Variants in KDM4C observed in about 807,000 individuals in gnomAD.
KDM4C encodes the protein lysine demethylase 4C, also known as lysine-specific demethylase 4C.
Under a neutral mutation model 129.3 loss-of-function variants are expected in KDM4C, and 81 were observed. The ratio of observed to expected loss-of-function variants is 0.63; its 90% CI spans 0.52 to 0.75. KDM4C has a LOEUF of 0.75. Ranked by LOEUF, KDM4C falls within the 30% of genes least tolerant of loss-of-function variation. KDM4C has a pLI of 0.00. For synonymous variants in KDM4C, 573 were observed against 456.1 expected (o/e 1.26, Z -3.26); for missense variants, 1,457 against 1,304.0 (o/e 1.12, Z -1.81).
At chr9:6,994,688 A>G (rs1819377377) in intron 12 of KDM4C, among the ~76,000 whole-genome samples, 1 of 152,190 alleles carries the variant, frequency 6.6e-6, no homozygotes, top group African/African-American at 2.4e-5. Flanking sequence ...AAGTACCTCA[A>G]CGTGTTACAT....
chr9:6,940,034 T>TTCCTTCC lies in KDM4C; in HGVS notation c.922-40890_922-40889insCCTTCCT, dbSNP rs1563850249. On this transcript the variant is annotated intron_variant, in intron 8 of 21. Coordinates refer to ENST00000381309, the MANE Select transcript of KDM4C (RefSeq NM_015061.6). The stretch of plus-strand genomic sequence containing the variant: ...CCTTCCTTCCTTCCTTCCTTCCTTC[T>TTCCTTCC]TTCCTTCCTTCCCTCCTTCCCTCCT... Among the ~76,000 whole-genome samples the TTCCTTCC allele has an allele frequency of 3.1e-3, 217 of 70,948 alleles. 5 individuals carry two copies. The highest frequency in any genetic ancestry group is 8.0e-3 in the African/African-American group (128 of 16,004). The allele number at this position is 70,948 out of a possible 152,430, so 46.5% of individuals were successfully genotyped here. A position where few individuals can be genotyped will look rare whatever the true frequency, so the allele number is the denominator to read the frequency against.
intron 1 of KDM4C, among the ~76,000 whole-genome samples, chr9:6,759,023 C>T (rs1035319690): frequency 6.6e-6 from 1 of 152,146 alleles, no homozygotes; most frequent in African/African-American, 2.4e-5. Context: ...CAAGCCTGCG[C>T]TGGCTGGCTC....
At chr9:6,989,874 A>G (rs1483848170) in intron 11 of KDM4C, among the ~76,000 whole-genome samples, 1 of 151,948 alleles carries the variant, frequency 6.6e-6, no homozygotes, top group Non-Finnish European at 1.5e-5. Context: ...TCCTGGGCTC[A>G]AGGGATCCTC....
intron 4 of KDM4C, among the ~76,000 whole-genome samples, chr9:6,829,219 T>G (rs1834389675): frequency 6.6e-6 from 1 of 152,182 alleles, no homozygotes; most frequent in Non-Finnish European, 1.5e-5. Context: ...AGGTGAAGAT[T>G]ACTGGGCACT....
At chr9:6,844,590 C>A (rs1272343589) in intron 4 of KDM4C, among the ~76,000 whole-genome samples, 1 of 152,186 alleles carries the variant, frequency 6.6e-6, no homozygotes, top group Non-Finnish European at 1.5e-5. Flanking sequence ...CACAGGTTTC[C>A]TTATGAGTGC....
intron 2 of KDM4C, among the ~76,000 whole-genome samples, chr9:6,794,294 G>A (rs1243820042): frequency 6.6e-6 from 1 of 152,198 alleles, no homozygotes; most frequent in Non-Finnish European, 1.5e-5. Context: ...AGATCCAAAG[G>A]ATAAAAATAA....
intron 17 of KDM4C, among the ~76,000 whole-genome samples, chr9:7,074,965 G>A (rs545095581): frequency 1.3e-5 from 2 of 152,254 alleles, no homozygotes; most frequent in Admixed American, 6.5e-5. Context: ...CATACCCAGC[G>A]AATGGATGAT....
chr9:6,999,030 C>T (rs1483035162), intron 12 of KDM4C, among the ~76,000 whole-genome samples: 1 of 152,150 alleles, frequency 6.6e-6, no homozygotes, highest in Non-Finnish European at 1.5e-5. Context: ...TTTTACTACA[C>T]AAGCTGGCTC....
intron 1 of KDM4C, among the ~76,000 whole-genome samples, chr9:6,751,202 T>C (rs1818053875): frequency 6.6e-6 from 1 of 152,060 alleles, no homozygotes; most frequent in South Asian, 2.1e-4. Flanking sequence ...TCCCAGCACT[T>C]TGGGAGGCTG....
chr9:6,879,615 G>A (rs1274719370), intron 5 of KDM4C, among the ~76,000 whole-genome samples: 19 of 152,172 alleles, frequency 1.2e-4, no homozygotes, highest in Non-Finnish European at 1.5e-5. Context: ...AAAAACAAAA[G>A]CCAAAATCAA....
At position 6,879,999 on chromosome 9, in the gene KDM4C, T is replaced by A; in HGVS notation, c.630-13T>A. The stretch of plus-strand genomic sequence containing the variant: ...TATAAACCTAAAATTTTTACTTATG[T>A]TTAAAATTTTAGGTATGCTATACCT... On this transcript the variant is annotated splice_polypyrimidine_tract_variant and intron_variant, in intron 5 of 21. Coordinates refer to ENST00000381309, the MANE Select transcript of KDM4C (RefSeq NM_015061.6). The A allele has an allele frequency of 1.3e-6, 2 of 1,499,094 alleles. No individual in the cohort carries two copies. The highest frequency in any genetic ancestry group is 2.8e-5 in the African/African-American group (2 of 71,442). 92.9% of individuals were successfully genotyped at this position (1,499,094 alleles called of 1,614,324 possible).
At chr9:7,030,863 G>A (rs918521569) in intron 15 of KDM4C, among the ~76,000 whole-genome samples, 2 of 151,970 alleles carry the variant, frequency 1.3e-5, no homozygotes, top group Admixed American at 6.6e-5. Context: ...ATTTTGTAAT[G>A]AAAAATGTAA....
At chr9:7,138,549 T>A (rs1841438191) in intron 19 of KDM4C, among the ~76,000 whole-genome samples, 1 of 152,174 alleles carries the variant, frequency 6.6e-6, no homozygotes, top group African/African-American at 2.4e-5. Flanking sequence ...GCACGGTGGC[T>A]CACACCTGAA....
intron 1 of KDM4C, among the ~76,000 whole-genome samples, chr9:6,770,628 C>T (rs1821583511): frequency 6.8e-6 from 1 of 147,702 alleles, no homozygotes; most frequent in Non-Finnish European, 1.5e-5. Flanking sequence ...TGCCATAATT[C>T]TCTAAAATAG....
chr9:7,000,230 G>A (rs1820486285), intron 12 of KDM4C, among the ~76,000 whole-genome samples: 1 of 152,122 alleles, frequency 6.6e-6, no homozygotes, highest in Non-Finnish European at 1.5e-5. Flanking sequence ...GTAGTATGGT[G>A]AATAAAAAAA....
chr9:7,079,036 C>T (rs1361646225), intron 17 of KDM4C, among the ~76,000 whole-genome samples: 1 of 152,186 alleles, frequency 6.6e-6, no homozygotes, highest in Non-Finnish European at 1.5e-5. Flanking sequence ...AGCAGGTTTA[C>T]AGATTCAGCA....
At chr9:6,994,727 C>T (rs1385124435) in intron 12 of KDM4C, among the ~76,000 whole-genome samples, 2 of 152,130 alleles carry the variant, frequency 1.3e-5, no homozygotes, top group African/African-American at 4.8e-5. Flanking sequence ...AAATGTAAAT[C>T]CTTGTCCAGG....
intron 4 of KDM4C, among the ~76,000 whole-genome samples, chr9:6,843,917 C>G (rs931227489): frequency 3.3e-5 from 5 of 152,136 alleles, no homozygotes; most frequent in African/African-American, 1.2e-4. Context: ...GTGGCACAAT[C>G]ATGACTCACT....
intron 14 of KDM4C, 200 bp downstream of exon 14, chr9:7,014,201 C>T (rs913574673): frequency 2.3e-5 from 12 of 513,532 alleles, no homozygotes; most frequent in African/African-American, 1.2e-4. Flanking sequence ...ATGTAGTATC[C>T]GTGGAGAGCA....
Sources: allele counts gnomAD v4.1 joint callset (sites outside exome capture counted in the v4.1 genomes callset), GRCh38; gene constraint gnomAD v4.1.1; transcripts MANE v1.5; gene names NCBI Gene and HGNC (gene_info 2026-07-23, HGNC 2026-07-21).